Variants in IMP3 observed in about 807,000 individuals in gnomAD.
The protein encoded by IMP3 is U3 small nucleolar ribonucleoprotein IMP3.
In IMP3, 17 loss-of-function variants were observed where a neutral mutation model predicts 10.2. That is an observed-to-expected ratio of 1.67 (90% CI 1.14 to 2.50). The LOEUF (loss-of-function observed/expected upper bound fraction) is 2.50. Among genes scored for constraint, IMP3 ranks in the 30% most tolerant of loss-of-function variants. The probability of loss-of-function intolerance (pLI) is 0.00; values close to 1 mark genes in which losing one functional copy is unlikely to be tolerated. For missense variants in IMP3, 290 were observed against 260.2 expected (o/e 1.11, Z -0.79); for synonymous variants, 167 against 120.1 (o/e 1.39, Z -2.55).
At position 75,639,641 on chromosome 15, in the gene IMP3, C is replaced by T; in HGVS notation, c.528G>A (p.Glu176=). The T allele has an allele frequency of 1.2e-6, 2 of 1,613,906 alleles. No individual in the cohort carries two copies. The highest frequency in any genetic ancestry group is 2.2e-5 in the South Asian group (2 of 91,086). ...AGGCTTCCAGATCGAAGTCATCGCG[C>T]TCCTCATTGTACTCTAGCACGTGCC... The part of the protein sequence containing the change: ...IKRHVLEYNE[E]RDDFDLEA Residue 176 remains glutamate (E), a synonymous_variant, in exon 1 of 1, where the codon GAG becomes GAA. Transcript: ENST00000403490.
chr15:75,639,976 G>A lies in IMP3; in HGVS notation c.193C>T (p.Leu65=). The A allele has an allele frequency of 1.2e-6, 2 of 1,603,682 alleles. No homozygotes were observed. The highest frequency in any genetic ancestry group is 1.7e-6 in the Non-Finnish European group (2 of 1,175,738). The change falls in exon 1 of 1, where the codon CTG becomes TTG. Residue 65 remains leucine, a synonymous_variant. Coordinates refer to ENST00000403490, the MANE Select transcript of IMP3 (RefSeq NM_018285.4). ...ACGCGGAACTGGTCGCGTTCGGGCA[G>A]GTCGCGCAGGCGCCGCGCCAGCTCA... The part of the protein sequence containing the change: ...VRELARRLRD[L]PERDQFRVRA...
rs1164378672 is a variant in IMP3, at chr15:75,639,885, A to G, written c.284T>C (p.Leu95Pro). The change falls in exon 1 of 1, where the codon CTG (leucine) becomes CCG (proline). Residue 95 changes from leucine (L) to proline (P), a missense_variant. Physicochemically the swap from Leu to Pro is moderately conservative, Grantham distance 98. Coordinates refer to ENST00000403490, the MANE Select transcript of IMP3 (RefSeq NM_018285.4). ...GGCCGTGACGAAGTCGCAGAGCTCC[A>G]GCGAACCGCGCGTGGGCACCAAGCC... ...ALGLVPTRGS[L>P]ELCDFVTASS... The G allele has an allele frequency of 1.2e-6, 2 of 1,611,318 alleles. No homozygotes were observed. The highest frequency in any genetic ancestry group is 1.7e-4 in the Middle Eastern group (1 of 6,042).
In IMP3 at chr15:75,639,923, C is replaced by T. The variant is rs1566964367; in HGVS notation, c.246G>A (p.Lys82=). 1 of 1,609,870 alleles carries T rather than the reference C, an allele frequency of 6.2e-7. No individual in the cohort carries two copies. Among genetic ancestry groups the T allele is most frequent in the Non-Finnish European group, 8.5e-7 (1 of 1,178,658 alleles). Residue 82 remains lysine, a synonymous_variant, in exon 1 of 1, where the codon AAG becomes AAA. Coordinates refer to ENST00000403490, the MANE Select transcript of IMP3 (RefSeq NM_018285.4). ...RVRASAALLD[K]LYALGLVPTR... ...TGGGCACCAAGCCGAGAGCATACAG[C>T]TTGTCCAGCAGCGCGGCCGAAGCGC...
Position 75,639,386 on chromosome 15 carries a change from T to C in IMP3, c.*228A>G, listed in dbSNP as rs1260874249. ...CTGCACCAAGTTACTTCCCACTGTT[T>C]CCCAAGGCACAGTCAATTAATAATC... is the stretch of plus-strand genomic sequence containing the variant. On this transcript the variant is annotated 3_prime_UTR_variant, in exon 1 of 1. Coordinates refer to ENST00000403490, the MANE Select transcript of IMP3 (RefSeq NM_018285.4). 1.8e-6 allele frequency: 1 copy of C among 558,034 alleles called. No individual in the cohort carries two copies. Among genetic ancestry groups the C allele is most frequent in the Admixed American group, 3.4e-5 (1 of 29,314 alleles). The allele number at this position is 558,034 out of a possible 1,614,324, so 34.6% of individuals were successfully genotyped here. A position where few individuals can be genotyped will look rare whatever the true frequency, so the allele number is the denominator to read the frequency against.
In IMP3 at chr15:75,640,151, C is replaced by G. The variant is rs1347509345; in HGVS notation, c.18G>C (p.Lys6Asn). Residue 6 changes from lysine to asparagine, a missense_variant, in exon 1 of 1, where the codon AAG becomes AAC. Transcript: ENST00000403490. ...GCTTCAGCAGCTTCTGCTCGTGGAA[C>G]TTAAGCTTCCGCACCATGATGGCGG... MVRKL[K>N]FHEQKLLKQV... 4 of 1,545,958 alleles carry G rather than the reference C, an allele frequency of 2.6e-6. No individual in the cohort carries two copies. The highest frequency in any genetic ancestry group is 3.5e-6 in the Non-Finnish European group (4 of 1,142,736).
Position 75,639,947 on chromosome 15 carries a change from G to A in IMP3, c.222C>T (p.Arg74=). Residue 74 remains arginine, a synonymous_variant, in exon 1 of 1, where the codon CGC becomes CGT. Coordinates refer to ENST00000403490, the MANE Select transcript of IMP3 (RefSeq NM_018285.4). ...GCTTGTCCAGCAGCGCGGCCGAAGC[G>A]CGCACGCGGAACTGGTCGCGTTCGG... is the stretch of plus-strand genomic sequence containing the variant. ...DLPERDQFRV[R]ASAALLDKLY... The A allele has an allele frequency of 6.2e-7, 1 of 1,606,572 alleles. No homozygotes were observed. Among genetic ancestry groups the A allele is most frequent in the South Asian group, 1.1e-5 (1 of 90,550 alleles).
rs768652673 is a variant in IMP3 at position 75,640,175 on chromosome 15, G to T, written c.-7C>A. The T allele has an allele frequency of 2.7e-6, 4 of 1,506,448 alleles. No individual in the cohort carries two copies. Among genetic ancestry groups the T allele is most frequent in the African/African-American group, 1.4e-5 (1 of 70,582 alleles). 93.3% of individuals were successfully genotyped at this position (1,506,448 alleles called of 1,614,324 possible). A position where few individuals can be genotyped will look rare whatever the true frequency, so the allele number is the denominator to read the frequency against. On this transcript the variant is annotated 5_prime_UTR_variant, in exon 1 of 1. Transcript: ENST00000403490. Reference sequence around the variant, plus strand: ...ACTTAAGCTTCCGCACCATGATGGCGGCAGCCGCAGCCGCAGGACCCGAAG... The same window carrying T: ...ACTTAAGCTTCCGCACCATGATGGCTGCAGCCGCAGCCGCAGGACCCGAAG...
rs1416446714 is a variant in IMP3 at position 75,639,782 on chromosome 15, G to C, written c.387C>G (p.Ala129=). ...CGCGTACGTGCCCTTGCTCCACAAAGGCCACGGCAGCCTGAAGGTGCTGCG... is the reference window on the plus strand; with the variant it reads ...CGCGTACGTGCCCTTGCTCCACAAACGCCACGGCAGCCTGAAGGTGCTGCG... ...RMAQHLQAAV[A]FVEQGHVRVG... Residue 129 remains alanine (A), a synonymous_variant, in exon 1 of 1, where the codon GCC becomes GCG. Coordinates refer to ENST00000403490, the MANE Select transcript of IMP3 (RefSeq NM_018285.4). The C allele has an allele frequency of 1.2e-6, 2 of 1,613,022 alleles. No homozygotes were observed. Among genetic ancestry groups the C allele is most frequent in the Admixed American group, 1.7e-5 (1 of 60,000 alleles).
At position 75,639,366 on chromosome 15, in the gene IMP3, C is replaced by A. The variant is rs1893389286; in HGVS notation, c.*248G>T. 1.9e-6 allele frequency: 1 copy of A among 531,360 alleles called. No homozygotes were observed. Among genetic ancestry groups the A allele is most frequent in the East Asian group, 3.4e-5 (1 of 29,762 alleles). 32.9% of individuals were successfully genotyped at this position (531,360 alleles called of 1,614,324 possible). ...AAGCCAACAATACCCCAGTGCTGCA[C>A]CAAGTTACTTCCCACTGTTTCCCAA... On this transcript the variant is annotated 3_prime_UTR_variant, in exon 1 of 1. Coordinates refer to ENST00000403490, the MANE Select transcript of IMP3 (RefSeq NM_018285.4).
rs746193463 is a variant in IMP3, at chr15:75,639,942, G to A, written c.227C>T (p.Ser76Leu). The change falls in exon 1 of 1, where the codon TCG becomes TTG. Residue 76 changes from serine to leucine, a missense_variant. By Grantham distance (145) the Ser-to-Leu change is moderately radical. Coordinates refer to ENST00000403490, the MANE Select transcript of IMP3 (RefSeq NM_018285.4). ...ATACAGCTTGTCCAGCAGCGCGGCC[G>A]AAGCGCGCACGCGGAACTGGTCGCG... ...PERDQFRVRA[S>L]AALLDKLYAL... The A allele has an allele frequency of 6.2e-7, 1 of 1,606,992 alleles. No homozygotes were observed. The highest frequency in any genetic ancestry group is 2.2e-5 in the East Asian group (1 of 44,590).
rs767994018 is a variant in IMP3, at chr15:75,639,668, C to T, written c.501G>A (p.Lys167=). 1.9e-6 allele frequency: 3 copies of T among 1,613,978 alleles called. No homozygotes were observed. Among genetic ancestry groups the T allele is most frequent in the Non-Finnish European group, 2.5e-6 (3 of 1,180,046 alleles). Residue 167 remains lysine (K), a synonymous_variant, in exon 1 of 1, where the codon AAG becomes AAA. Coordinates refer to ENST00000403490, the MANE Select transcript of IMP3 (RefSeq NM_018285.4). ...FVTWVDSSKI[K]RHVLEYNEER... ...CCTCATTGTACTCTAGCACGTGCCG[C>T]TTGATCTTGGACGAGTCCACCCAAG...
rs1400951180 is a variant in IMP3 at position 75,639,786 on chromosome 15, ACGGCAGC to A, written c.376_382del (p.Ala126TrpfsTer44). On this transcript the variant is annotated frameshift_variant, in exon 1 of 1. Coordinates refer to ENST00000403490, the MANE Select transcript of IMP3 (RefSeq NM_018285.4). LOFTEE classifies it high-confidence loss of function. The stretch of plus-strand genomic sequence containing the variant: ...TACGTGCCCTTGCTCCACAAAGGCC[ACGGCAGC>A]CTGAAGGTGCTGCGCCATGCGCAGC... The A allele has an allele frequency of 1.2e-6, 2 of 1,612,958 alleles. No homozygotes were observed. Among genetic ancestry groups the A allele is most frequent in the South Asian group, 1.1e-5 (1 of 91,064 alleles).
Position 75,639,948 on chromosome 15 carries a change from C to A in IMP3, c.221G>T (p.Arg74Leu). Residue 74 changes from arginine (R) to leucine (L), a missense_variant, in exon 1 of 1, where the codon CGC (arginine) becomes CTC (leucine). Physicochemically the swap from Arg to Leu is moderately radical, Grantham distance 102 (BLOSUM62 -2). Transcript: ENST00000403490. ...DLPERDQFRV[R>L]ASAALLDKLY... ...CTTGTCCAGCAGCGCGGCCGAAGCG[C>A]GCACGCGGAACTGGTCGCGTTCGGG... The A allele has an allele frequency of 6.2e-7, 1 of 1,606,506 alleles. No individual in the cohort carries two copies. The highest frequency in any genetic ancestry group is 8.5e-7 in the Non-Finnish European group (1 of 1,177,098).
chr15:75,639,949 G>A lies in IMP3; in HGVS notation c.220C>T (p.Arg74Cys). The A allele has an allele frequency of 6.2e-7, 1 of 1,606,284 alleles. No homozygotes were observed. The highest frequency in any genetic ancestry group is 1.7e-4 in the Middle Eastern group (1 of 6,050). Reference protein sequence around the residue: ...DLPERDQFRVRASAALLDKLY... With the variant: ...DLPERDQFRVCASAALLDKLY... ...TTGTCCAGCAGCGCGGCCGAAGCGCGCACGCGGAACTGGTCGCGTTCGGGC... is the reference window on the plus strand; with the variant it reads ...TTGTCCAGCAGCGCGGCCGAAGCGCACACGCGGAACTGGTCGCGTTCGGGC... The change falls in exon 1 of 1, where the codon CGC becomes TGC. Residue 74 changes from arginine (R) to cysteine (C), a missense_variant. By Grantham distance (180) the Arg-to-Cys change is radical. Coordinates refer to ENST00000403490, the MANE Select transcript of IMP3 (RefSeq NM_018285.4).
chr15:75,639,922 G>T lies in IMP3; in HGVS notation c.247C>A (p.Leu83Met). ...VRASAALLDK[L>M]YALGLVPTRG... ...GTGGGCACCAAGCCGAGAGCATACA[G>T]CTTGTCCAGCAGCGCGGCCGAAGCG... Residue 83 changes from leucine to methionine, a missense_variant, in exon 1 of 1, where the codon CTG becomes ATG. By Grantham distance (15) the Leu-to-Met change is conservative (BLOSUM62 2). Transcript: ENST00000403490. 1 of 1,609,848 alleles carries T rather than the reference G, an allele frequency of 6.2e-7. No homozygotes were observed. Among genetic ancestry groups the T allele is most frequent in the Non-Finnish European group, 8.5e-7 (1 of 1,178,658 alleles).
chr15:75,639,637 C>T lies in IMP3; in HGVS notation c.532G>A (p.Asp178Asn). 4 of 1,613,846 alleles carry T rather than the reference C, an allele frequency of 2.5e-6. No homozygotes were observed. Among genetic ancestry groups the T allele is most frequent in the Non-Finnish European group, 3.4e-6 (4 of 1,180,030 alleles). The change falls in exon 1 of 1, where the codon GAT (aspartate) becomes AAT (asparagine). Residue 178 changes from aspartate (D) to asparagine (N), a missense_variant. Asp to Asn is a conservative substitution (Grantham distance 23, BLOSUM62 1). Transcript: ENST00000403490. ...CGCTAGGCTTCCAGATCGAAGTCAT[C>T]GCGCTCCTCATTGTACTCTAGCACG... Reference protein sequence around the residue: ...RHVLEYNEERDDFDLEA With the variant: ...RHVLEYNEERNDFDLEA
rs570012064 is a variant in IMP3 at position 75,639,916 on chromosome 15, C to A, written c.253G>T (p.Ala85Ser). 29 of 1,610,552 alleles carry A rather than the reference C, an allele frequency of 1.8e-5. 1 individual carries two copies. In the South Asian group the frequency reaches 2.8e-4, roughly 15 times the overall value. The change falls in exon 1 of 1, where the codon GCT becomes TCT. Residue 85 changes from alanine to serine, a missense_variant. Transcript: ENST00000403490. Reference sequence around the variant, plus strand: ...CCGCGCGTGGGCACCAAGCCGAGAGCATACAGCTTGTCCAGCAGCGCGGCC... The same window carrying A: ...CCGCGCGTGGGCACCAAGCCGAGAGAATACAGCTTGTCCAGCAGCGCGGCC... ...ASAALLDKLYALGLVPTRGSL... is the reference protein window; with the variant it reads ...ASAALLDKLYSLGLVPTRGSL...
chr15:75,640,068 A>T lies in IMP3; in HGVS notation c.101T>A (p.Leu34Gln). 1 of 1,608,944 alleles carries T rather than the reference A, an allele frequency of 6.2e-7. No individual in the cohort carries two copies. Among genetic ancestry groups the T allele is most frequent in the Non-Finnish European group, 8.5e-7 (1 of 1,178,222 alleles). The change falls in exon 1 of 1, where the codon CTG (leucine) becomes CAG (glutamine). Residue 34 changes from leucine (L) to glutamine (Q), a missense_variant. Transcript: ENST00000403490. ...TDHNLHELRVLRRYRLQRRED... is the reference protein window; with the variant it reads ...TDHNLHELRVQRRYRLQRRED... ...CCGCCGCTGCAGCCGGTAACGCCGC[A>T]GCACGCGCAGCTCGTGCAGGTTGTG... is the stretch of plus-strand genomic sequence containing the variant.
chr15:75,640,218 C>A lies in IMP3; in HGVS notation c.-50G>T. 1 of 1,468,744 alleles carries A rather than the reference C, an allele frequency of 6.8e-7. No homozygotes were observed. Among genetic ancestry groups the A allele is most frequent in the Non-Finnish European group, 9.0e-7 (1 of 1,110,700 alleles). The allele number at this position is 1,468,744 out of a possible 1,614,324, so 91.0% of individuals were successfully genotyped here. A position where few individuals can be genotyped will look rare whatever the true frequency, so the allele number is the denominator to read the frequency against. On this transcript the variant is annotated 5_prime_UTR_variant, in exon 1 of 1. It removes an upstream start codon present in the reference 5' UTR. Coordinates refer to ENST00000403490, the MANE Select transcript of IMP3 (RefSeq NM_018285.4). ...ACCCGAAGCTGAGAGCGCGTTCTGG[C>A]ATCCGCGCGATTTCCGCCGCGGCGC...
Sources: gnomAD v4.1 joint callset for allele counts on GRCh38, gnomAD v4.1.1 for gene constraint, MANE v1.5 for transcripts, NCBI Gene and HGNC (gene_info 2026-07-23, HGNC 2026-07-21) for gene names.